The following GLB1L3 variants were observed in gnomAD, a reference collection of about 807,000 sequenced individuals.
GLB1L3 encodes galactosidase beta 1 like 3, also known as beta-galactosidase-1-like protein 3.
GLB1L3 carries 89 observed loss-of-function variants against 89.5 expected under a neutral mutation model. The ratio of observed to expected loss-of-function variants is 0.99; its 90% CI spans 0.84 to 1.19. GLB1L3 has a LOEUF of 1.19. Ranked by LOEUF, GLB1L3 falls within the 50% of genes most tolerant of loss-of-function variation. The pLI is 0.00. For synonymous variants in GLB1L3, 314 were observed against 312.3 expected, an observed-to-expected ratio of 1.01 and a Z score of -0.06; for missense variants, 812 against 813.3, an observed-to-expected ratio of 1.00 and a Z score of 0.02.
intron 16 of GLB1L3, 66 bp downstream of exon 16, chr11:134,313,540 CG>C: frequency 2.0e-6 from 1 of 507,606 alleles, no homozygotes; most frequent in Non-Finnish European, 3.8e-6. Flanking sequence ...GCACTGGAGT[CG>C]GGGGCGGGAG....
intron 9 of GLB1L3, among the ~76,000 whole-genome samples, chr11:134,303,274 T>C (rs1244344946): frequency 6.6e-6 from 1 of 152,210 alleles, no homozygotes; most frequent in Non-Finnish European, 1.5e-5. Flanking sequence ...CAGAAATTAG[T>C]TGAATATTTT....
intron 7 of GLB1L3, among the ~76,000 whole-genome samples, chr11:134,291,843 C>A (rs1441846571): frequency 6.6e-6 from 1 of 152,186 alleles, no homozygotes; most frequent in Admixed American, 6.5e-5. Flanking sequence ...GACATGGTGG[C>A]GTGTGCCTGT....
At chr11:134,313,567 G>T in intron 16 of GLB1L3, 93 bp downstream of exon 16, 1 of 1,090,140 alleles carries the variant, frequency 9.2e-7, no homozygotes. Flanking sequence ...GGGGAAACCA[G>T]CCGCTCAGCA....
chr11:134,316,529 T>C (rs182720625), intron 18 of GLB1L3, among the ~76,000 whole-genome samples: 3 of 152,226 alleles, frequency 2.0e-5, no homozygotes, highest in Admixed American at 2.0e-4. Context: ...ATCTAAAAAA[T>C]AATAAAGGTT....
chr11:134,290,418 C>A (rs1407271522), intron 7 of GLB1L3, among the ~76,000 whole-genome samples: 2 of 151,866 alleles, frequency 1.3e-5, no homozygotes, highest in African/African-American at 2.4e-5. Flanking sequence ...ACTACAAATA[C>A]AAAAATTAGC....
chr11:134,285,735 G>C (rs1940945123), intron 6 of GLB1L3, among the ~76,000 whole-genome samples: 1 of 152,134 alleles, frequency 6.6e-6, no homozygotes, highest in African/African-American at 2.4e-5. Flanking sequence ...TCGTGCCTCT[G>C]AACTCCAGCC....
chr11:134,321,983 C>T (rs971312168), downstream of GLB1L3, among the ~76,000 whole-genome samples: 1 of 151,678 alleles, frequency 6.6e-6, no homozygotes, highest in African/African-American at 2.4e-5. Context: ...ATATCAGCAA[C>T]CATAGTAAAT....
intron 10 of GLB1L3, among the ~76,000 whole-genome samples, chr11:134,308,600 TCCACCA>T (rs1310577775): frequency 1.8e-4 from 14 of 77,332 alleles, no homozygotes; most frequent in Admixed American, 4.2e-4. Flanking sequence ...CACCATCACC[TCCACCA>T]CCACCACCAC....
At chr11:134,324,200 C>G (rs1382370272), downstream of GLB1L3, among the ~76,000 whole-genome samples, 1 of 152,192 alleles carries the variant, frequency 6.6e-6, no homozygotes, top group Non-Finnish European at 1.5e-5. Context: ...CAAACTTAAT[C>G]TACCGTACCC....
rs1565413684 is a variant in GLB1L3, at chr11:134,308,428, TCACCACCACCACCACCATCAC to T, written c.962-1180_962-1160del. Among the ~76,000 whole-genome samples, 95 of 38,246 alleles carry T rather than the reference TCACCACCACCACCACCATCAC, an allele frequency of 2.5e-3. 2 individuals are homozygous for T. Among genetic ancestry groups the T allele is most frequent in the African/African-American group, 6.5e-3 (50 of 7,666 alleles). The allele number at this position is 38,246 out of a possible 152,430, so 25.1% of individuals were successfully genotyped here. A position where few individuals can be genotyped will look rare whatever the true frequency, so the allele number is the denominator to read the frequency against. Reference sequence around the variant, plus strand: ...ATCACCACCACCACCATCATCACCATCACCACCACCACCACCATCACCACCACCACCACCACCACCACCAAA... The same window carrying T: ...ATCACCACCACCACCATCATCACCATCACCACCACCACCACCACCACCAAA... On this transcript the variant is annotated intron_variant, in intron 10 of 19. Transcript: ENST00000431683.
At position 134,277,369 on chromosome 11, in the gene GLB1L3, C is replaced by A; in HGVS notation, c.67C>A (p.Pro23Thr). 6.2e-7 allele frequency: 1 copy of A among 1,613,912 alleles called. No homozygotes were observed. The highest frequency in any genetic ancestry group is 8.5e-7 in the Non-Finnish European group (1 of 1,179,878). Residue 23 changes from proline to threonine, a missense_variant, in exon 2 of 20, where the codon CCA (proline) becomes ACA (threonine). By Grantham distance (38) the Pro-to-Thr change is conservative. Transcript: ENST00000431683. ...WKRMAGIFFL[P>T]FISSGFAPRF... ...GAGAATGGCGGGCATCTTTTTCCTG[C>A]CATTTATCTCATCAGGTTTTGCTCC...
At chr11:134,283,899 T>G in intron 6 of GLB1L3, 54 bp downstream of exon 6, 1 of 1,034,044 alleles carries the variant, frequency 9.7e-7, no homozygotes, top group Non-Finnish European at 1.5e-6. Flanking sequence ...GGGAAAGAGT[T>G]TGTTCTGGCT....
At chr11:134,299,672 G>A (rs943594510) in intron 9 of GLB1L3, among the ~76,000 whole-genome samples, 2 of 152,100 alleles carry the variant, frequency 1.3e-5, no homozygotes, top group African/African-American at 4.8e-5. Flanking sequence ...GGATCTCTCA[G>A]CTATAGTATG....
At position 134,277,839 on chromosome 11, in the gene GLB1L3, T is replaced by C; in HGVS notation, c.289T>C (p.Phe97Leu). 2 of 1,614,088 alleles carry C rather than the reference T, an allele frequency of 1.2e-6. No individual in the cohort carries two copies. Among genetic ancestry groups the C allele is most frequent in the Non-Finnish European group, 1.7e-6 (2 of 1,180,012 alleles). ...FLIFGGSIHY[F>L]RVPREYWRDR... ...GATCTTCGGGGGCTCCATCCACTAT[T>C]TCCGGGTGCCCAGGGAGTACTGGAG... The change falls in exon 3 of 20, where the codon TTC becomes CTC. Residue 97 changes from phenylalanine (F) to leucine (L), a missense_variant. Around this residue, in one of 3 missense-constraint regions of GLB1L3, gnomAD observed 191 missense variants for 191.4 expected, o/e 1.00. Coordinates refer to ENST00000431683, the MANE Select transcript of GLB1L3 (RefSeq NM_001080407.3).
At chr11:134,309,516 G>A in intron 10 of GLB1L3, 110 bp from the exon 11 acceptor site, 2 of 661,110 alleles carry the variant, frequency 3.0e-6, no homozygotes, top group Admixed American at 7.2e-5. Flanking sequence ...GAAGCGAGGA[G>A]TTACTGTAAC....
intron 10 of GLB1L3, among the ~76,000 whole-genome samples, chr11:134,308,371 CCACCACCAT>C (rs1565413380): frequency 2.9e-5 from 2 of 68,432 alleles, no homozygotes; most frequent in African/African-American, 6.7e-5. Context: ...ACCACCACCA[CCACCACCAT>C]CACCACCATC....
chr11:134,316,420 A>G (rs1321101985), intron 18 of GLB1L3, among the ~76,000 whole-genome samples: 1 of 152,220 alleles, frequency 6.6e-6, no homozygotes, highest in Admixed American at 6.5e-5. Flanking sequence ...CGATGTCTAT[A>G]TAGGAAGAGA....
chr11:134,285,435 T>C (rs904679472), intron 6 of GLB1L3, among the ~76,000 whole-genome samples: 2 of 152,166 alleles, frequency 1.3e-5, no homozygotes, highest in Non-Finnish European at 2.9e-5. Context: ...TGCACTTGGA[T>C]ATTAAGTAAA....
chr11:134,293,939 G>A (rs1277455114), intron 9 of GLB1L3, among the ~76,000 whole-genome samples: 1 of 152,118 alleles, frequency 6.6e-6, no homozygotes, highest in African/African-American at 2.4e-5. Context: ...CCTCCCTTGA[G>A]GGCCTTCCTT....
Sources: allele counts gnomAD v4.1 joint callset (sites outside exome capture counted in the v4.1 genomes callset), GRCh38; gene constraint gnomAD v4.1.1; regional missense constraint gnomAD v4.1.1; transcripts MANE v1.5; gene names NCBI Gene and HGNC (gene_info 2026-07-23, HGNC 2026-07-21).